The following SRGAP1 variants were observed in gnomAD, a reference collection of about 807,000 sequenced individuals.
SRGAP1 encodes the protein SLIT-ROBO Rho GTPase activating protein 1.
In SRGAP1, 43 loss-of-function variants were observed where a neutral mutation model predicts 121.9. The ratio of observed to expected loss-of-function variants is 0.35; its 90% CI spans 0.28 to 0.46. SRGAP1 has a LOEUF of 0.46. Ranked by LOEUF, SRGAP1 falls within the 20% of genes least tolerant of loss-of-function variation. The pLI is 1.00. For synonymous variants in SRGAP1, 447 were observed against 485.4 expected, an observed-to-expected ratio of 0.92 and a Z score of 1.04; for missense variants, 1,102 against 1,350.9, an observed-to-expected ratio of 0.82 and a Z score of 2.89.
chr12:64,114,767 G>A (rs1446740706), intron 17 of SRGAP1, among the ~76,000 whole-genome samples: 3 of 152,202 alleles, frequency 2.0e-5, no homozygotes, highest in African/African-American at 7.2e-5. Context: ...AGGACATTTT[G>A]TGATCGCTAC....
chr12:63,933,174 G>A (rs1288990568), intron 1 of SRGAP1, among the ~76,000 whole-genome samples: 1 of 152,050 alleles, frequency 6.6e-6, no homozygotes, highest in Non-Finnish European at 1.5e-5. Context: ...GTGACAGAGC[G>A]AGACTCTCTC....
chr12:63,887,254 G>T (rs1317171831), intron 1 of SRGAP1: 1 of 152,270 alleles, frequency 6.6e-6, no homozygotes, highest in African/African-American at 2.4e-5. Context: ...TTCTACATGG[G>T]GTTGTCCAGG....
chr12:64,116,103 A>G, intron 18 of SRGAP1: 1 of 493,948 alleles, frequency 2.0e-6, no homozygotes, highest in South Asian at 2.1e-5. Flanking sequence ...AAAAAATACA[A>G]AAAATTAGCC....
chr12:63,988,640 C>T (rs1344687600), intron 2 of SRGAP1, among the ~76,000 whole-genome samples: 5 of 152,168 alleles, frequency 3.3e-5, no homozygotes, highest in Non-Finnish European at 7.4e-5. Flanking sequence ...AGAGGCCCAA[C>T]TTCATCATTT....
intron 1 of SRGAP1, among the ~76,000 whole-genome samples, chr12:63,883,381 A>G (rs1409937876): frequency 1.3e-5 from 2 of 152,218 alleles, no homozygotes; most frequent in East Asian, 3.9e-4. Context: ...AGAAAGTGAC[A>G]AGAAGAAAAC....
At chr12:64,025,974 G>C (rs1379792032) in intron 4 of SRGAP1, among the ~76,000 whole-genome samples, 2 of 152,130 alleles carry the variant, frequency 1.3e-5, no homozygotes, top group African/African-American at 4.8e-5. Context: ...GCATTCTGCT[G>C]ATCAGTGATG....
chr12:63,857,725 C>T lies in SRGAP1; in HGVS notation c.67+12842C>T, dbSNP rs574684195. 3.9e-5 allele frequency among the ~76,000 whole-genome samples: 6 copies of T among 152,242 alleles called. No individual in the cohort carries two copies. The South Asian group carries it at 1.2e-3, about 32-fold the overall frequency. On this transcript the variant is annotated intron_variant, in intron 1 of 21. Coordinates refer to ENST00000355086, the MANE Select transcript of SRGAP1 (RefSeq NM_020762.4). ...TAGCCACTTTGCTAGTCTGCTATTT[C>T]AAAGAATTTTTTCCCTTGTTTGGTA...
chr12:64,115,932 A>G, intron 18 of SRGAP1, 39 bp downstream of exon 18: 1 of 1,540,982 alleles, frequency 6.5e-7, no homozygotes, highest in East Asian at 2.3e-5. Context: ...GCCAGTCTTT[A>G]TATCCCTATT....
intron 1 of SRGAP1, among the ~76,000 whole-genome samples, chr12:63,847,869 A>G (rs1484477090): frequency 1.3e-5 from 2 of 151,248 alleles, no homozygotes; most frequent in East Asian, 3.9e-4. Context: ...AGAACCTAAC[A>G]CTCTAGAATA....
rs2037162098 is a variant in SRGAP1 at position 64,156,046 on chromosome 12, C to T, written c.*13374C>T. 1 of 152,086 alleles carries T rather than the reference C, an allele frequency of 6.6e-6. No homozygotes were observed. Among genetic ancestry groups the T allele is most frequent in the Non-Finnish European group, 1.5e-5 (1 of 67,994 alleles). The allele number at this position is 152,086 out of a possible 1,614,324, so 9.4% of individuals were successfully genotyped here. On this transcript the variant is annotated 3_prime_UTR_variant, in exon 22 of 22. Transcript: ENST00000355086. ...TCCCCATTTTTCAGATTAAAACAAA[C>T]AAACAAAAGCTGAGGTTTAAAGAAA... is the stretch of plus-strand genomic sequence containing the variant.
At position 64,059,530 on chromosome 12, in the gene SRGAP1, TCTG is replaced by T. The variant is rs2035406659; in HGVS notation, c.802-3382_802-3380del. Reference sequence around the variant, plus strand: ...TCATAAAATAGAACAGCTTGTCTCATCTGCTGCATTATAATCCAGTAGAATCTA... The same window carrying T: ...TCATAAAATAGAACAGCTTGTCTCATCTGCATTATAATCCAGTAGAATCTA... On this transcript the variant is annotated intron_variant, in intron 6 of 21. Transcript: ENST00000355086. 2.6e-5 allele frequency among the ~76,000 whole-genome samples: 4 copies of T among 152,298 alleles called. No individual in the cohort carries two copies. In the South Asian group the frequency reaches 8.3e-4, roughly 32 times the overall value.
intron 6 of SRGAP1, among the ~76,000 whole-genome samples, chr12:64,062,179 C>T (rs891988806): frequency 5.3e-5 from 8 of 152,188 alleles, no homozygotes; most frequent in African/African-American, 1.9e-4. Flanking sequence ...CACATCCTCT[C>T]CAACACTTGC....
At chr12:63,897,635 G>A (rs1900797673) in intron 1 of SRGAP1, among the ~76,000 whole-genome samples, 1 of 152,190 alleles carries the variant, frequency 6.6e-6, no homozygotes, top group African/African-American at 2.4e-5. Context: ...TGCTATTTCA[G>A]ATGTGTCTTA....
At chr12:64,016,356 A>T (rs1593045539) in intron 3 of SRGAP1, among the ~76,000 whole-genome samples, 1 of 152,114 alleles carries the variant, frequency 6.6e-6, no homozygotes. Flanking sequence ...GTTTGGTTGC[A>T]TGCCCCTGTA....
At chr12:63,969,751 G>A (rs2032890325) in intron 1 of SRGAP1, among the ~76,000 whole-genome samples, 1 of 151,594 alleles carries the variant, frequency 6.6e-6, no homozygotes, top group Non-Finnish European at 1.5e-5. Flanking sequence ...CCGAGATTGT[G>A]CCACTGCACT....
intron 1 of SRGAP1, among the ~76,000 whole-genome samples, chr12:63,964,979 C>G (rs1004072597): frequency 1.1e-4 from 17 of 152,140 alleles, no homozygotes; most frequent in Non-Finnish European, 1.9e-4. Flanking sequence ...GGAAAAAATA[C>G]GAGCTTTAGA....
chr12:63,910,697 T>G (rs1223671183), intron 1 of SRGAP1, among the ~76,000 whole-genome samples: 1 of 152,006 alleles, frequency 6.6e-6, no homozygotes, highest in Non-Finnish European at 1.5e-5. Context: ...AAATATGGAG[T>G]AGAGAGGTTT....
At chr12:64,017,635 AC>A (rs1346217639) in intron 4 of SRGAP1, among the ~76,000 whole-genome samples, 1 of 151,684 alleles carries the variant, frequency 6.6e-6, no homozygotes, top group African/African-American at 2.4e-5. Context: ...AGCCTGGGCA[AC>A]AGAGTGAGAC....
intron 1 of SRGAP1, among the ~76,000 whole-genome samples, chr12:63,935,573 A>T (rs1313595573): frequency 6.6e-6 from 1 of 152,242 alleles, no homozygotes; most frequent in Non-Finnish European, 1.5e-5. Flanking sequence ...GAAATTGCTA[A>T]ATATCAAGGA....
Sources: allele counts gnomAD v4.1 joint callset (sites outside exome capture counted in the v4.1 genomes callset), GRCh38; gene constraint gnomAD v4.1.1; transcripts MANE v1.5; gene names NCBI Gene and HGNC (gene_info 2026-07-23, HGNC 2026-07-21).